The following AEBP2 variants were observed in gnomAD, a reference collection of about 807,000 sequenced individuals.
AEBP2 encodes the protein AE binding protein 2.
Under a neutral mutation model 50.8 loss-of-function variants are expected in AEBP2, and 10 were observed. The ratio of observed to expected loss-of-function variants is 0.20; its 90% CI spans 0.12 to 0.33. The LOEUF is 0.33. Among genes scored for constraint, AEBP2 ranks in the 10% least tolerant of loss-of-function variants. The pLI is 1.00. For synonymous variants in AEBP2, 296 were observed against 261.3 expected (o/e 1.13, Z -1.28); for missense variants, 570 against 688.0 (o/e 0.83, Z 1.92).
intron 1 of AEBP2, chr12:19,413,214 T>A: frequency 1.3e-6 from 1 of 797,444 alleles, no homozygotes; most frequent in East Asian, 2.4e-5. Context: ...AGAAACAGTA[T>A]CTTAACCCAA....
At chr12:19,420,172 C>A (rs1413215725) in intron 1 of AEBP2, among the ~76,000 whole-genome samples, 1 of 150,428 alleles carries the variant, frequency 6.6e-6, no homozygotes, top group Non-Finnish European at 1.5e-5. Context: ...TACAGGCACC[C>A]GACACCTTGA....
intron 3 of AEBP2, among the ~76,000 whole-genome samples, chr12:19,491,133 C>T (rs16915530): frequency 0.17 from 25,172 of 152,038 alleles, 3,676 homozygotes; most frequent in African/African-American, 0.39. Flanking sequence ...TCTGTGGCAA[C>T]GTGGTACTCT....
At chr12:19,468,192 C>T (rs1228961636) in intron 2 of AEBP2, among the ~76,000 whole-genome samples, 1 of 142,426 alleles carries the variant, frequency 7.0e-6, no homozygotes, top group Non-Finnish European at 1.5e-5. Context: ...ACTATGTTGT[C>T]CAAGCTAGTC....
chr12:19,471,850 A>T (rs1019768396), intron 2 of AEBP2, among the ~76,000 whole-genome samples: 3 of 151,582 alleles, frequency 2.0e-5, no homozygotes, highest in African/African-American at 7.3e-5. Context: ...ATTGCTTTGT[A>T]TTTTTTTTCT....
chr12:19,490,311 C>T (rs918785571), intron 3 of AEBP2, among the ~76,000 whole-genome samples: 5 of 152,074 alleles, frequency 3.3e-5, no homozygotes, highest in South Asian at 4.2e-4. Flanking sequence ...AATAGATGTA[C>T]GTATTGAATG....
intron 1 of AEBP2, chr12:19,457,260 A>G (rs1592731781): frequency 1.3e-6 from 2 of 1,591,712 alleles, no homozygotes; most frequent in East Asian, 4.5e-5. Flanking sequence ...TGGAGATACC[A>G]GCTTCAAATT....
intron 1 of AEBP2, among the ~76,000 whole-genome samples, chr12:19,445,551 AG>A (rs895902536): frequency 3.3e-5 from 5 of 152,158 alleles, no homozygotes; most frequent in African/African-American, 1.2e-4. Flanking sequence ...GGGATACAGC[AG>A]GGTATAAAAC....
At position 19,518,551 on chromosome 12, in the gene AEBP2, G is replaced by T; in HGVS notation, c.*434G>T. 1.5e-6 allele frequency: 2 copies of T among 1,310,188 alleles called. No individual in the cohort carries two copies. The highest frequency in any genetic ancestry group is 2.5e-5 in the South Asian group (1 of 40,546). 81.2% of individuals were successfully genotyped at this position (1,310,188 alleles called of 1,614,324 possible). On this transcript the variant is annotated 3_prime_UTR_variant, in exon 8 of 8. Transcript: ENST00000266508. ...AAAGCACTGTAAGGATATTTGTCTTGACAGTGTTTATTGATTTGAAGTCAT... is the reference window on the plus strand; with the variant it reads ...AAAGCACTGTAAGGATATTTGTCTTTACAGTGTTTATTGATTTGAAGTCAT...
At chr12:19,419,688 G>A (rs1222980609) in intron 1 of AEBP2, among the ~76,000 whole-genome samples, 1 of 152,088 alleles carries the variant, frequency 6.6e-6, no homozygotes, top group Non-Finnish European at 1.5e-5. Context: ...CCAGCACTTT[G>A]GGAGGCCGAA....
intron 1 of AEBP2, among the ~76,000 whole-genome samples, chr12:19,443,561 A>C (rs940267716): frequency 1.3e-5 from 2 of 151,944 alleles, no homozygotes; most frequent in Non-Finnish European, 2.9e-5. Context: ...TCTCTACTAA[A>C]AATACAAAAA....
chr12:19,406,566 C>T (rs1274249909), intron 1 of AEBP2, among the ~76,000 whole-genome samples: 1 of 151,046 alleles, frequency 6.6e-6, no homozygotes, highest in African/African-American at 2.4e-5. Context: ...GTAATCCCAG[C>T]TTACTCTGGA....
intron 5 of AEBP2, among the ~76,000 whole-genome samples, chr12:19,500,719 C>T (rs192082308): frequency 6.6e-6 from 1 of 152,268 alleles, no homozygotes; most frequent in Non-Finnish European, 1.5e-5. Context: ...ATTTTAGTCT[C>T]TTTTGTTCCA....
chr12:19,439,672 A>AGGG lies in AEBP2; in HGVS notation c.-26_-25insGGG. ...AGAGAGGGAGGCGGCGGTGGGGAGG[A>AGGG]GGAGGAGGAGGAGGAGCAGGCGCCG... On this transcript the variant is annotated 5_prime_UTR_variant, in exon 1 of 8. Transcript: ENST00000266508. 7.8e-7 allele frequency: 1 copy of AGGG among 1,286,564 alleles called. No individual in the cohort carries two copies. The highest frequency in any genetic ancestry group is 3.0e-5 in the East Asian group (1 of 33,142). 79.7% of individuals were successfully genotyped at this position (1,286,564 alleles called of 1,614,324 possible). A position where few individuals can be genotyped will look rare whatever the true frequency, so the allele number is the denominator to read the frequency against.
rs766271338 is a variant in AEBP2, at chr12:19,462,764, T to C, written c.879+47T>C. On this transcript the variant is annotated intron_variant, in intron 2 of 7. Transcript: ENST00000266508. ...TTTCGCTCCCTGTTTTCGTTAGTTT[T>C]ATTAATTTATAATTGCTAGTTAGGC... 5.3e-6 allele frequency: 8 copies of C among 1,513,098 alleles called. No individual in the cohort carries two copies. In the East Asian group the frequency reaches 1.8e-4, roughly 35 times the overall value. 93.7% of individuals were successfully genotyped at this position (1,513,098 alleles called of 1,614,324 possible).
intron 1 of AEBP2, among the ~76,000 whole-genome samples, chr12:19,441,124 G>C (rs1240257225): frequency 6.6e-6 from 1 of 152,172 alleles, no homozygotes; most frequent in East Asian, 1.9e-4. Flanking sequence ...GTAGTTTGCG[G>C]CTTTATAGTA....
At chr12:19,450,320 A>G (rs1252341596) in intron 1 of AEBP2, among the ~76,000 whole-genome samples, 2 of 151,676 alleles carry the variant, frequency 1.3e-5, no homozygotes, top group East Asian at 1.9e-4. Context: ...ATTTCTTTCT[A>G]CCCTCAGTGT....
At chr12:19,493,327 G>T (rs780241525) in intron 3 of AEBP2, among the ~76,000 whole-genome samples, 1 of 152,150 alleles carries the variant, frequency 6.6e-6, no homozygotes, top group Non-Finnish European at 1.5e-5. Context: ...CTTGAACCCA[G>T]GAGGCAGAGG....
intron 6 of AEBP2, 137 bp from the exon 7 acceptor site, chr12:19,514,533 CT>C: frequency 1.8e-6 from 1 of 570,306 alleles, no homozygotes. Flanking sequence ...GATAGCTGAG[CT>C]TCCCTGGCTT....
chr12:19,413,341 G>C, intron 1 of AEBP2: 1 of 1,088,966 alleles, frequency 9.2e-7, no homozygotes, highest in Non-Finnish European at 1.4e-6. Flanking sequence ...AACTGAGAAG[G>C]TGTCAGAACA....
Sources: allele counts gnomAD v4.1 joint callset (sites outside exome capture counted in the v4.1 genomes callset), GRCh38; gene constraint gnomAD v4.1.1; transcripts MANE v1.5; gene names NCBI Gene and HGNC (gene_info 2026-07-23, HGNC 2026-07-21).